RBFOX1: variants seen among roughly 807,000 people sequenced by gnomAD.
The protein encoded by RBFOX1 is RNA binding fox-1 homolog 1.
Under a neutral mutation model 57.7 loss-of-function variants are expected in RBFOX1, and 8 were observed. The ratio of observed to expected loss-of-function variants is 0.14; its 90% CI spans 0.08 to 0.25. RBFOX1 has a LOEUF of 0.25. Among genes scored for constraint, RBFOX1 ranks in the 10% least tolerant of loss-of-function variants. The probability of loss-of-function intolerance (pLI) is 1.00; values close to 1 mark genes in which losing one functional copy is unlikely to be tolerated. For synonymous variants in RBFOX1, 326 were observed against 222.4 expected (o/e 1.47, Z -4.15); for missense variants, 611 against 548.5 (o/e 1.11, Z -1.14).
intron 3 of RBFOX1, among the ~76,000 whole-genome samples, chr16:5,834,769 G>A (rs56080481): frequency 5.4e-4 from 68 of 126,472 alleles, no homozygotes; most frequent in Non-Finnish European, 8.2e-4. Flanking sequence ...ATACATACAT[G>A]CACAGATGAT....
chr16:5,550,165 C>T (rs541656581), intron 2 of RBFOX1, among the ~76,000 whole-genome samples: 7 of 152,286 alleles, frequency 4.6e-5, no homozygotes, highest in African/African-American at 1.4e-4. Context: ...ACCAACTGTG[C>T]AGTGTTGCGA....
At chr16:6,767,949 A>ATAATAATCATAAT (rs1491137745) in intron 3 of RBFOX1, among the ~76,000 whole-genome samples, 1 of 74,480 alleles carries the variant, frequency 1.3e-5, no homozygotes, top group Non-Finnish European at 2.6e-5. Flanking sequence ...AATAATAATA[A>ATAATAATCATAAT]GAAGAAGAAG....
At chr16:6,529,720 C>T (rs932559564) in intron 2 of RBFOX1, among the ~76,000 whole-genome samples, 1 of 152,088 alleles carries the variant, frequency 6.6e-6, no homozygotes, top group African/African-American at 2.4e-5. Context: ...TGCATAGACT[C>T]CACAACACGT....
At chr16:7,596,585 C>CATAT (rs374312521) in intron 8 of RBFOX1, among the ~76,000 whole-genome samples, 17 of 151,266 alleles carry the variant, frequency 1.1e-4, no homozygotes, top group African/African-American at 4.1e-4. Context: ...TATCTATATA[C>CATAT]ATATATATAT....
intron 3 of RBFOX1, among the ~76,000 whole-genome samples, chr16:7,037,448 G>T (rs549547526): frequency 3.9e-5 from 6 of 151,908 alleles, no homozygotes; most frequent in Non-Finnish European, 5.9e-5. Flanking sequence ...AGATGGAGTT[G>T]CTCTGGTTCA....
intron 3 of RBFOX1, among the ~76,000 whole-genome samples, chr16:6,984,119 C>T (rs1044941753): frequency 2.6e-5 from 4 of 152,098 alleles, no homozygotes; most frequent in African/African-American, 7.2e-5. Context: ...TGATGGCAGG[C>T]GCTTGTAATC....
intron 4 of RBFOX1, among the ~76,000 whole-genome samples, chr16:5,992,361 T>C (rs1196995671): frequency 6.6e-6 from 1 of 152,196 alleles, no homozygotes; most frequent in Non-Finnish European, 1.5e-5. Context: ...AGTAATTGAC[T>C]CAAATTTTAT....
At chr16:5,940,050 G>C (rs1186788297) in intron 4 of RBFOX1, among the ~76,000 whole-genome samples, 1 of 152,216 alleles carries the variant, frequency 6.6e-6, no homozygotes, top group African/African-American at 2.4e-5. Flanking sequence ...CAGTCATAGT[G>C]AGTGCTAGGT....
At chr16:5,819,486 C>G (rs556786389) in intron 3 of RBFOX1, among the ~76,000 whole-genome samples, 2 of 152,170 alleles carry the variant, frequency 1.3e-5, no homozygotes, top group Non-Finnish European at 2.9e-5. Context: ...CCTCACTGTG[C>G]CACTTCTATG....
At chr16:6,228,359 A>G (rs1404327573) in intron 1 of RBFOX1, among the ~76,000 whole-genome samples, 3 of 152,062 alleles carry the variant, frequency 2.0e-5, no homozygotes, top group Admixed American at 6.6e-5. Context: ...CAAAATAGCC[A>G]GGATATGGAA....
At chr16:6,165,215 T>C (rs898838656) in intron 1 of RBFOX1, among the ~76,000 whole-genome samples, 3 of 152,234 alleles carry the variant, frequency 2.0e-5, no homozygotes, top group African/African-American at 7.2e-5. Context: ...CAAGATAATG[T>C]AAAATGATGA....
intron 4 of RBFOX1, among the ~76,000 whole-genome samples, chr16:7,183,456 T>C (rs2083127950): frequency 6.6e-6 from 1 of 152,248 alleles, no homozygotes; most frequent in African/African-American, 2.4e-5. Context: ...TCTATTGTTA[T>C]TAAATAGTGA....
chr16:6,789,055 T>C (rs544668825), intron 3 of RBFOX1, among the ~76,000 whole-genome samples: 1 of 152,260 alleles, frequency 6.6e-6, no homozygotes, highest in East Asian at 1.9e-4. Flanking sequence ...GAAACATGGA[T>C]GTCGCGAAAT....
chr16:5,704,096 G>T (rs775598799), intron 3 of RBFOX1, among the ~76,000 whole-genome samples: 5 of 152,124 alleles, frequency 3.3e-5, no homozygotes, highest in Non-Finnish European at 7.3e-5. Context: ...TGAACTGCTT[G>T]TTGGGCCAGT....
rs529472407 is a variant in RBFOX1 at position 6,082,861 on chromosome 16, C to T, written c.-127+62869C>T. Among the ~76,000 whole-genome samples, 5 of 152,172 alleles carry T rather than the reference C, an allele frequency of 3.3e-5. No homozygotes were observed. The South Asian group carries it at 6.2e-4, about 19-fold the overall frequency. On this transcript the variant is annotated intron_variant, in intron 1 of 15. Transcript: ENST00000550418. ...CACTTGGACCCAATAGCCCAGATCCCACGGGTGTCATAGGAAGTGCTTATC... is the reference window on the plus strand; with the variant it reads ...CACTTGGACCCAATAGCCCAGATCCTACGGGTGTCATAGGAAGTGCTTATC...
chr16:7,459,557 A>G (rs757574753), intron 4 of RBFOX1, among the ~76,000 whole-genome samples: 1 of 152,192 alleles, frequency 6.6e-6, no homozygotes, highest in Non-Finnish European at 1.5e-5. Context: ...TTAAAATTTC[A>G]TCTGTTAATT....
rs116137672 is a variant in RBFOX1 at position 5,907,033 on chromosome 16, G to T, written c.351+39698G>T. ...ATTACAGGCATGAGCCACTGTGCCC[G>T]GCCCATCTGGGGGATTTTAAAACAG... is the stretch of plus-strand genomic sequence containing the variant. On this transcript the variant is annotated intron_variant, in intron 4 of 19. Coordinates refer to the RBFOX1 transcript ENST00000641259. Among the ~76,000 whole-genome samples, 1,259 of 152,134 alleles carry T rather than the reference G, an allele frequency of 8.3e-3. 23 individuals carry two copies. The highest frequency in any genetic ancestry group is 0.029 in the African/African-American group (1,199 of 41,504).
At position 7,373,109 on chromosome 16, in the gene RBFOX1, T is replaced by A. The variant is rs546432272; in HGVS notation, c.28-145038T>A. ...ACCATGCGTGGCTAATTTTTTTGTA[T>A]TTTTTAGTGAGACGGTGTTTCACCG... is the stretch of plus-strand genomic sequence containing the variant. On this transcript the variant is annotated intron_variant, in intron 4 of 15. Transcript: ENST00000550418. Among the ~76,000 whole-genome samples, 292 of 152,116 alleles carry A rather than the reference T, an allele frequency of 1.9e-3. 1 individual carries two copies. The highest frequency in any genetic ancestry group is 2.8e-3 in the Non-Finnish European group (189 of 68,006).
chr16:7,163,574 T>C (rs1249195064), intron 4 of RBFOX1, among the ~76,000 whole-genome samples: 1 of 152,170 alleles, frequency 6.6e-6, no homozygotes, highest in African/African-American at 2.4e-5. Context: ...CAATAAGCTC[T>C]TTCATCATCT....
Sources: allele counts gnomAD v4.1 joint callset (sites outside exome capture counted in the v4.1 genomes callset), GRCh38; gene constraint gnomAD v4.1.1; transcripts MANE v1.5; gene names NCBI Gene and HGNC (gene_info 2026-07-23, HGNC 2026-07-21).